CADPS2: variants seen among roughly 807,000 people sequenced by gnomAD.
CADPS2 encodes the protein calcium dependent secretion activator 2.
In CADPS2, 93 loss-of-function variants were observed where a neutral mutation model predicts 172.5. The ratio of observed to expected loss-of-function variants is 0.54; its 90% CI spans 0.46 to 0.64. The LOEUF is 0.64. Among genes scored for constraint, CADPS2 ranks in the 30% least tolerant of loss-of-function variants. CADPS2 has a pLI of 0.00. For synonymous variants in CADPS2, 546 were observed against 555.2 expected (o/e 0.98, Z 0.23); for missense variants, 1,420 against 1,565.9 (o/e 0.91, Z 1.57).
chr7:122,727,309 T>C (rs989480791), intron 2 of CADPS2, among the ~76,000 whole-genome samples: 2 of 151,808 alleles, frequency 1.3e-5, no homozygotes, highest in African/African-American at 4.8e-5. Context: ...TCCTTGGGCC[T>C]GGGAATTAGA....
intron 28 of CADPS2, among the ~76,000 whole-genome samples, chr7:122,336,211 A>G (rs2035830518): frequency 6.6e-6 from 1 of 152,222 alleles, no homozygotes; most frequent in Non-Finnish European, 1.5e-5. Flanking sequence ...GATTTAGCCA[A>G]CACTGGTGAC....
At chr7:122,551,697 T>C (rs1172547364) in intron 8 of CADPS2, among the ~76,000 whole-genome samples, 1 of 152,124 alleles carries the variant, frequency 6.6e-6, no homozygotes, top group African/African-American at 2.4e-5. Flanking sequence ...GAGTTTGCTA[T>C]ATTTTAAAGA....
chr7:122,591,521 A>T lies in CADPS2; in HGVS notation c.1224-10231T>A, dbSNP rs369010555. Among the ~76,000 whole-genome samples the T allele has an allele frequency of 4.1e-4, 62 of 152,290 alleles. 1 individual carries two copies. In the South Asian group the frequency reaches 0.013, roughly 31 times the overall value. ...CATATTGAACCAAAAAAGAGCCTGC[A>T]TTGCCAAGACAATCCTAGGCCAAAA... On this transcript the variant is annotated intron_variant, in intron 6 of 29. Coordinates refer to ENST00000449022, the MANE Select transcript of CADPS2 (RefSeq NM_017954.11).
chr7:122,457,910 T>C (rs1425790238), intron 14 of CADPS2, among the ~76,000 whole-genome samples: 1 of 152,124 alleles, frequency 6.6e-6, no homozygotes, highest in Admixed American at 6.6e-5. Context: ...TATAGTGAAG[T>C]GTGGTTAAAT....
At chr7:122,351,372 C>CAAGAAAAAAAAAA (rs2038583896) in intron 27 of CADPS2, among the ~76,000 whole-genome samples, 1 of 28,918 alleles carries the variant, frequency 3.5e-5, no homozygotes. Flanking sequence ...GACTCCGTCT[C>CAAGAAAAAAAAAA]AAAAAAAAAA....
At chr7:122,751,969 G>A (rs548964072) in intron 1 of CADPS2, among the ~76,000 whole-genome samples, 5 of 152,056 alleles carry the variant, frequency 3.3e-5, no homozygotes, top group African/African-American at 9.7e-5. Context: ...GAAGAAGAGC[G>A]AGTCCTTAGA....
chr7:122,673,755 G>A (rs1055445763), intron 2 of CADPS2, among the ~76,000 whole-genome samples: 5 of 152,236 alleles, frequency 3.3e-5, no homozygotes, highest in African/African-American at 1.2e-4. Context: ...GCTTCGCCTA[G>A]TGGATCCCAC....
intron 1 of CADPS2, among the ~76,000 whole-genome samples, chr7:122,768,309 C>T (rs983106568): frequency 2.0e-5 from 3 of 152,228 alleles, no homozygotes; most frequent in African/African-American, 7.2e-5. Context: ...TATTTAGTTA[C>T]CCACATCAGA....
chr7:122,528,037 T>C (rs910995665), intron 8 of CADPS2, among the ~76,000 whole-genome samples: 5 of 151,034 alleles, frequency 3.3e-5, no homozygotes, highest in African/African-American at 1.2e-4. Context: ...GATGGGGTCA[T>C]TACAAAAATC....
intron 6 of CADPS2, among the ~76,000 whole-genome samples, chr7:122,599,744 T>C (rs1388365033): frequency 2.0e-5 from 3 of 152,110 alleles, no homozygotes; most frequent in Non-Finnish European, 2.9e-5. Context: ...TTAGGCCCTT[T>C]GTAAAAGTGT....
At chr7:122,796,793 C>T (rs1196730439) in intron 1 of CADPS2, among the ~76,000 whole-genome samples, 1 of 151,428 alleles carries the variant, frequency 6.6e-6, no homozygotes, top group East Asian at 1.9e-4. Context: ...AATACCATTC[C>T]GGAAAGAGCA....
intron 2 of CADPS2, among the ~76,000 whole-genome samples, chr7:122,713,836 A>G (rs1044527412): frequency 6.6e-6 from 1 of 152,096 alleles, no homozygotes; most frequent in African/African-American, 2.4e-5. Flanking sequence ...TATAGTTATA[A>G]TGTACAGGCC....
chr7:122,683,928 C>A (rs907567538), intron 2 of CADPS2, among the ~76,000 whole-genome samples: 3 of 151,988 alleles, frequency 2.0e-5, no homozygotes, highest in Admixed American at 2.0e-4. Flanking sequence ...TGTGTGTGAG[C>A]GTGCCCTGTG....
intron 1 of CADPS2, among the ~76,000 whole-genome samples, chr7:122,808,018 A>C (rs1162566423): frequency 1.3e-5 from 2 of 152,356 alleles, no homozygotes; most frequent in East Asian, 3.9e-4. Context: ...ACAGAGGCAC[A>C]GTACCCTTCC....
chr7:122,886,180 G>GCGA lies in CADPS2; in HGVS notation c.157_158insTCG (p.Gly52_Ala53insVal), dbSNP rs1554519777. On this transcript the variant is annotated inframe_insertion, in exon 1 of 30. Coordinates refer to ENST00000449022, the MANE Select transcript of CADPS2 (RefSeq NM_017954.11). ...GGGGCTCGGGCTCACAGATCTGGCC[G>GCGA]CGCCGCCGCCGCCCGCGCGCCCCGG... The GCGA allele has an allele frequency of 1.6e-4, 241 of 1,477,952 alleles. 2 individuals carry two copies. The South Asian group carries it at 3.0e-3, about 18-fold the overall frequency. The allele number at this position is 1,477,952 out of a possible 1,614,324, so 91.6% of individuals were successfully genotyped here.
At chr7:122,422,361 A>G (rs2048622175) in intron 17 of CADPS2, among the ~76,000 whole-genome samples, 1 of 152,186 alleles carries the variant, frequency 6.6e-6, no homozygotes, top group South Asian at 2.1e-4. Context: ...GTCAGCCAGT[A>G]ACAAGGACTG....
At chr7:122,456,756 C>A (rs1249606411) in intron 14 of CADPS2, among the ~76,000 whole-genome samples, 2 of 152,212 alleles carry the variant, frequency 1.3e-5, no homozygotes, top group Non-Finnish European at 1.5e-5. Context: ...CATCCCCCTG[C>A]AAGCTGCATA....
At chr7:122,508,439 ATTCAT>A (rs1450736159) in intron 9 of CADPS2, among the ~76,000 whole-genome samples, 1 of 83,298 alleles carries the variant, frequency 1.2e-5, no homozygotes, top group Non-Finnish European at 2.7e-5. Context: ...TTATTTATTT[ATTCAT>A]TTAAGTTTTT....
At chr7:122,624,248 T>A (rs1168996940) in intron 4 of CADPS2, among the ~76,000 whole-genome samples, 1 of 152,222 alleles carries the variant, frequency 6.6e-6, no homozygotes, top group Admixed American at 6.5e-5. Context: ...AATAGGGTTA[T>A]TTCCTAGTTG....
Sources: gnomAD v4.1 joint callset for allele counts (sites outside exome capture counted in the v4.1 genomes callset) on GRCh38, gnomAD v4.1.1 for gene constraint, MANE v1.5 for transcripts, NCBI Gene and HGNC (gene_info 2026-07-23, HGNC 2026-07-21) for gene names.